The following MLPH variants were observed in gnomAD, a reference collection of about 807,000 sequenced individuals.
The protein encoded by MLPH is exophilin-3.
In MLPH, 51 loss-of-function variants were observed where a neutral mutation model predicts 72.1. The observed-to-expected ratio is 0.71, with a 90% CI of 0.56 to 0.89. The LOEUF (loss-of-function observed/expected upper bound fraction) is 0.89. MLPH is among the 40% of genes least tolerant of loss of function. MLPH has a pLI of 0.00. For synonymous variants in MLPH, 301 were observed against 310.1 expected (o/e 0.97, Z 0.31); for missense variants, 743 against 759.9 (o/e 0.98, Z 0.26).
At chr2:237,489,021 G>C (rs2079376222) in intron 1 of MLPH, among the ~76,000 whole-genome samples, 1 of 152,096 alleles carries the variant, frequency 6.6e-6, no homozygotes, top group Non-Finnish European at 1.5e-5. Context: ...TCCAGGGCTG[G>C]AGAGGGCCAG....
chr2:237,511,218 A>T, intron 4 of MLPH, 117 bp downstream of exon 4: 1 of 807,502 alleles, frequency 1.2e-6, no homozygotes, highest in South Asian at 1.4e-5. Flanking sequence ...GTGTGTGTGC[A>T]CATGTGTGTG....
At chr2:237,492,804 C>A (rs1044698853) in intron 1 of MLPH, among the ~76,000 whole-genome samples, 5 of 152,236 alleles carry the variant, frequency 3.3e-5, no homozygotes, top group African/African-American at 7.2e-5. Context: ...AACAGCCCCC[C>A]ACGCCCAGAG....
At chr2:237,508,691 G>A (rs190046841) in intron 2 of MLPH, among the ~76,000 whole-genome samples, 28 of 152,214 alleles carry the variant, frequency 1.8e-4, no homozygotes, top group Admixed American at 1.4e-3. Context: ...AATATTCCAC[G>A]GTAGAAATTG....
At chr2:237,533,020 A>G (rs1317494382) in intron 8 of MLPH, among the ~76,000 whole-genome samples, 2 of 152,192 alleles carry the variant, frequency 1.3e-5, no homozygotes, top group African/African-American at 4.8e-5. Flanking sequence ...GTCCTTACCA[A>G]TGAGAGGAGC....
chr2:237,521,077 T>C (rs1468825331), intron 6 of MLPH, among the ~76,000 whole-genome samples: 1 of 152,222 alleles, frequency 6.6e-6, no homozygotes, highest in Non-Finnish European at 1.5e-5. Context: ...GGAATAATAC[T>C]GTTGGTGATG....
chr2:237,488,588 G>A (rs1229700672), intron 1 of MLPH, among the ~76,000 whole-genome samples: 1 of 152,162 alleles, frequency 6.6e-6, no homozygotes. Context: ...TGTGCTCCTG[G>A]CCCTCACTCA....
At chr2:237,549,158 A>C (rs2080981595) in intron 13 of MLPH, 63 bp from the exon 14 acceptor site, 3 of 1,498,614 alleles carry the variant, frequency 2.0e-6, no homozygotes, top group Admixed American at 1.7e-5. Flanking sequence ...GAAATCCAAA[A>C]TTAGTTGACA....
chr2:237,490,435 C>T (rs1051542661), intron 1 of MLPH, among the ~76,000 whole-genome samples: 1 of 152,176 alleles, frequency 6.6e-6, no homozygotes, highest in African/African-American at 2.4e-5. Context: ...ATCTTTTTAT[C>T]CATTCACTTC....
intron 2 of MLPH, among the ~76,000 whole-genome samples, chr2:237,495,008 G>C (rs2079507380): frequency 6.6e-6 from 1 of 152,204 alleles, no homozygotes; most frequent in Non-Finnish European, 1.5e-5. Context: ...GCTGGAGGGA[G>C]GACCCATCTC....
rs1391326483 is a variant in MLPH, at chr2:237,519,965, C to G, written c.611C>G (p.Ser204Cys). ...GACTTCGAGGGAGACTCAGATGACT[C>G]CACTCAGCCTCAAGGTCACTCCCTG... ...DFDFEGDSDDSTQPQGHSLHL... is the reference protein window; with the variant it reads ...DFDFEGDSDDCTQPQGHSLHL... The change falls in exon 6 of 16, where the codon TCC (serine) becomes TGC (cysteine). Residue 204 changes from serine (S) to cysteine (C), a missense_variant. Coordinates refer to ENST00000264605, the MANE Select transcript of MLPH (RefSeq NM_024101.7). The G allele has an allele frequency of 1.2e-6, 2 of 1,614,070 alleles. No homozygotes were observed. Among genetic ancestry groups the G allele is most frequent in the Non-Finnish European group, 1.7e-6 (2 of 1,180,010 alleles).
intron 4 of MLPH, chr2:237,518,265 G>A: frequency 1.8e-6 from 1 of 546,812 alleles, no homozygotes; most frequent in South Asian, 1.8e-5. Flanking sequence ...ATGCATGGAT[G>A]GATGGGCTGC....
chr2:237,546,855 T>A (rs58062362), intron 13 of MLPH, among the ~76,000 whole-genome samples, 172 bp downstream of exon 13: 1 of 152,182 alleles, frequency 6.6e-6, no homozygotes, highest in African/African-American at 2.4e-5. Context: ...GTGAGTTGGC[T>A]TCCTCCGTGG....
At chr2:237,508,495 A>G (rs1216403497) in intron 2 of MLPH, among the ~76,000 whole-genome samples, 1 of 152,228 alleles carries the variant, frequency 6.6e-6, no homozygotes, top group East Asian at 1.9e-4. Flanking sequence ...TCAGCAGTTT[A>G]TCCACCATTG....
Position 237,534,644 on chromosome 2 carries a change from C to T in MLPH, c.1101C>T (p.Ala367=). The part of the protein sequence containing the change: ...YLENTVVPPL[A]KGLGAGVRTE... ...AGAACACAGTTGTGCCTCCCTTGGC[C>T]AAGGTAACACTGGGGGCTGGGCAAA... is the stretch of plus-strand genomic sequence containing the variant. Residue 367 remains alanine (A), a synonymous_variant, in exon 9 of 16, where the codon GCC becomes GCT. Transcript: ENST00000264605. 2 of 1,613,328 alleles carry T rather than the reference C, an allele frequency of 1.2e-6. No homozygotes were observed. Among genetic ancestry groups the T allele is most frequent in the South Asian group, 1.1e-5 (1 of 91,044 alleles).
intron 9 of MLPH, among the ~76,000 whole-genome samples, chr2:237,539,842 T>G (rs1169916254): frequency 1.3e-5 from 2 of 152,114 alleles, no homozygotes; most frequent in African/African-American, 2.4e-5. Context: ...GTGGCTGCTG[T>G]TATGTGATCA....
In MLPH at chr2:237,546,663, G is replaced by T; in HGVS notation, c.1597G>T (p.Asp533Tyr). 6.2e-7 allele frequency: 1 copy of T among 1,614,200 alleles called. No homozygotes were observed. Among genetic ancestry groups the T allele is most frequent in the Non-Finnish European group, 8.5e-7 (1 of 1,180,024 alleles). ...CAAGAGACCAGAGGACCCAAATGCA[G>T]ACCCTTCAAGTGAGGCCAAGGTATG... ...LGKRPEDPNA[D>Y]PSSEAKAMAV... is the part of the protein sequence containing the mutation. Residue 533 changes from aspartate to tyrosine, a missense_variant, in exon 13 of 16, where the codon GAC (aspartate) becomes TAC (tyrosine). Transcript: ENST00000264605.
At chr2:237,517,685 G>GTGGATGGATGGA (rs58713081) in intron 4 of MLPH, among the ~76,000 whole-genome samples, 1 of 137,476 alleles carries the variant, frequency 7.3e-6, no homozygotes, top group African/African-American at 2.8e-5. Context: ...GGGTAGATGG[G>GTGGATGGATGGA]TGGATGGATG....
chr2:237,516,840 GATGGATGGATGGATGA>G, intron 4 of MLPH, among the ~76,000 whole-genome samples: 1 of 151,534 alleles, frequency 6.6e-6, no homozygotes, highest in African/African-American at 2.4e-5. Context: ...AGGATGGATG[GATGGATGGATGGATGA>G]TAGGATGGAT....
intron 2 of MLPH, among the ~76,000 whole-genome samples, chr2:237,508,530 C>A (rs972913307): frequency 6.6e-6 from 1 of 152,102 alleles, no homozygotes; most frequent in African/African-American, 2.4e-5. Flanking sequence ...GTGCAGGCAT[C>A]AAAGAGCAAA....
Sources: allele counts gnomAD v4.1 joint callset (sites outside exome capture counted in the v4.1 genomes callset), GRCh38; gene constraint gnomAD v4.1.1; transcripts MANE v1.5; gene names NCBI Gene and HGNC (gene_info 2026-07-23, HGNC 2026-07-21).